Variants in ZBTB46 observed in about 807,000 individuals in gnomAD.
ZBTB46 encodes the protein zinc finger and BTB domain containing 46.
In ZBTB46, 8 loss-of-function variants were observed where a neutral mutation model predicts 44.1. The observed-to-expected ratio is 0.18, with a 90% CI of 0.11 to 0.33. The LOEUF (loss-of-function observed/expected upper bound fraction) is 0.33, where lower values mean the gene tolerates loss of function less well. ZBTB46 is among the 10% of genes least tolerant of loss of function. ZBTB46 has a pLI of 1.00. For missense variants in ZBTB46, 651 were observed against 847.7 expected (o/e 0.77, Z 2.88); for synonymous variants, 409 against 382.3 (o/e 1.07, Z -0.81).
At chr20:63,795,225 A>G (rs1348217349) in intron 1 of ZBTB46, among the ~76,000 whole-genome samples, 1 of 152,206 alleles carries the variant, frequency 6.6e-6, no homozygotes, top group South Asian at 2.1e-4. Flanking sequence ...CGCTTATGAA[A>G]CGGGCATCAG....
intron 1 of ZBTB46, chr20:63,816,327 C>T (rs1431602754): frequency 5.1e-6 from 1 of 195,566 alleles, no homozygotes; most frequent in Non-Finnish European, 1.1e-5. Flanking sequence ...ACTCCCTCCC[C>T]ACCCACCCCG....
At chr20:63,832,455 C>T (rs1222836946), upstream of ZBTB46, among the ~76,000 whole-genome samples, 1 of 152,160 alleles carries the variant, frequency 6.6e-6, no homozygotes, top group African/African-American at 2.4e-5. This position sits in a 1 kb window ranked among gnomAD's most constrained non-coding sequence, Gnocchi z 5.0. Flanking sequence ...GCGGATTCCT[C>T]GGGAGGTGGG....
Position 63,790,524 on chromosome 20 carries a change from G to C in ZBTB46, c.234C>G (p.Val78=), listed in dbSNP as rs2092552713. ...EQATVTHLDI[V]TAQGFKAIID... ...TGATGGCCTTGAAGCCCTGGGCCGT[G>C]ACGATGTCCAGGTGCGTGACCGTGG... Residue 78 remains valine (V), a synonymous_variant, in exon 2 of 5, where the codon GTC becomes GTG. Coordinates refer to ENST00000245663, the MANE Select transcript of ZBTB46 (RefSeq NM_001369741.1). 6.2e-7 allele frequency: 1 copy of C among 1,612,664 alleles called. No homozygotes were observed. Among genetic ancestry groups the C allele is most frequent in the African/African-American group, 1.3e-5 (1 of 74,918 alleles).
chr20:63,778,808 C>T (rs2092445626), intron 2 of ZBTB46, among the ~76,000 whole-genome samples: 2 of 152,228 alleles, frequency 1.3e-5, no homozygotes, highest in South Asian at 4.1e-4. Flanking sequence ...ACTAAATATA[C>T]AGGTTATATC....
intron 3 of ZBTB46, among the ~76,000 whole-genome samples, chr20:63,772,926 GGGGCTCGCTTCC>G (rs762604260): frequency 5.9e-5 from 9 of 152,282 alleles, no homozygotes; most frequent in Admixed American, 3.3e-4. Flanking sequence ...CACGTGCTCC[GGGGCTCGCTTCC>G]GGAAAGGAGG....
chr20:63,830,345 G>T (rs909728791), intron 1 of ZBTB46, among the ~76,000 whole-genome samples: 1 of 151,992 alleles, frequency 6.6e-6, no homozygotes, highest in African/African-American at 2.4e-5. Context: ...TATTTACAGA[G>T]AAACAAAGAC....
chr20:63,766,417 T>C (rs2092320871), intron 3 of ZBTB46, among the ~76,000 whole-genome samples: 1 of 151,756 alleles, frequency 6.6e-6, no homozygotes, highest in Non-Finnish European at 1.5e-5. Context: ...GATTTCGCCA[T>C]GTTGGCCAGG....
chr20:63,797,024 T>C (rs1331852639), intron 1 of ZBTB46, among the ~76,000 whole-genome samples: 3 of 152,140 alleles, frequency 2.0e-5, no homozygotes, highest in Non-Finnish European at 4.4e-5. Context: ...TTTTTATATA[T>C]ACTTTAAGTT....
chr20:63,753,728 C>T (rs1319574660), intron 3 of ZBTB46, among the ~76,000 whole-genome samples: 1 of 152,272 alleles, frequency 6.6e-6, no homozygotes, highest in Non-Finnish European at 1.5e-5. Flanking sequence ...CCTCTGCATA[C>T]TGTGACCACC....
rs536518455 is a variant in ZBTB46, at chr20:63,746,967, G to A, written c.1733C>T (p.Pro578Leu). 2.5e-6 allele frequency: 4 copies of A among 1,596,342 alleles called. No individual in the cohort carries two copies. The African/African-American group carries it at 4.0e-5, about 16-fold the overall frequency. The change falls in exon 5 of 5, where the codon CCA becomes CTA. Residue 578 changes from proline (P) to leucine (L), a missense_variant. Physicochemically the swap from Pro to Leu is moderately conservative, Grantham distance 98. Around this residue, in one of 5 missense-constraint regions of ZBTB46, gnomAD observed 106 missense variants for 81.0 expected, o/e 1.31. Transcript: ENST00000245663. ...GGCGAAGTCCTTGTCAGGGCCTCCT[G>A]GGGGGCTGCGCGGCCGCGGCGAGTC... Reference protein sequence around the residue: ...EEDSPRPRSPPGGPDKDFAWL... With the variant: ...EEDSPRPRSPLGGPDKDFAWL...
intron 4 of ZBTB46, among the ~76,000 whole-genome samples, chr20:63,749,474 C>G (rs1057300852): frequency 1.3e-5 from 2 of 152,162 alleles, no homozygotes; most frequent in African/African-American, 4.8e-5. Context: ...GTAGCTGGGA[C>G]TACAGGCACC....
At chr20:63,805,749 CT>C (rs67091593) in intron 1 of ZBTB46, among the ~76,000 whole-genome samples, 26,097 of 144,656 alleles carry the variant, frequency 0.18, 2,622 homozygotes, top group East Asian at 0.38. Context: ...CATGCATCAG[CT>C]TTTTTTTTTT....
chr20:63,771,411 C>CGCGGTCCCGCCGGGCCTG (rs2092371011), intron 3 of ZBTB46, among the ~76,000 whole-genome samples: 4 of 152,162 alleles, frequency 2.6e-5, no homozygotes, highest in Non-Finnish European at 4.4e-5. Context: ...AGGGGGGCCA[C>CGCGGTCCCGCCGGGCCTG]GCGGTCCCGC....
intron 2 of ZBTB46, chr20:63,788,239 A>G (rs1297119459): frequency 6.6e-6 from 1 of 152,252 alleles, no homozygotes; most frequent in Non-Finnish European, 1.5e-5. Context: ...CAGCCTCCCA[A>G]GTAGCTGAAG....
intron 3 of ZBTB46, among the ~76,000 whole-genome samples, chr20:63,758,646 G>A (rs1294111924): frequency 1.3e-5 from 2 of 151,916 alleles, no homozygotes; most frequent in Non-Finnish European, 2.9e-5. Flanking sequence ...ACTCACACAC[G>A]CACGCGCACG....
chr20:63,747,347 GGC>G lies in ZBTB46; in HGVS notation c.1399-48_1399-47del, dbSNP rs774790939. ...GTGAGCAGGGCCTGGTGGGTTGGGG[GGC>G]GGGGCAGGGGGTGAGCAGGGCCTGG... On this transcript the variant is annotated intron_variant, in intron 4 of 4. Coordinates refer to ENST00000245663, the MANE Select transcript of ZBTB46 (RefSeq NM_001369741.1). 1.3e-3 allele frequency: 1,729 copies of G among 1,338,542 alleles called. 67 individuals carry two copies. The African/African-American group carries it at 0.024, about 18-fold the overall frequency. 82.9% of individuals were successfully genotyped at this position (1,338,542 alleles called of 1,614,324 possible).
intron 1 of ZBTB46, among the ~76,000 whole-genome samples, chr20:63,823,859 TG>T (rs1430850898): frequency 3.1e-5 from 1 of 32,686 alleles, no homozygotes; most frequent in Non-Finnish European, 6.2e-5. Flanking sequence ...CTAGGAACCT[TG>T]TGTGTGTGTG....
intron 1 of ZBTB46, among the ~76,000 whole-genome samples, chr20:63,805,144 C>T (rs1206481578): frequency 6.6e-6 from 1 of 151,984 alleles, no homozygotes; most frequent in East Asian, 2.0e-4. Context: ...TGGTCTCGAT[C>T]TCTTGACCTC....
intron 1 of ZBTB46, among the ~76,000 whole-genome samples, chr20:63,800,234 G>A (rs1425413366): frequency 6.6e-6 from 1 of 152,214 alleles, no homozygotes; most frequent in Non-Finnish European, 1.5e-5. Flanking sequence ...CGCTGAGTAA[G>A]AGAAGACAGT....
Sources: allele counts gnomAD v4.1 joint callset (sites outside exome capture counted in the v4.1 genomes callset), GRCh38; gene constraint gnomAD v4.1.1; regional missense constraint gnomAD v4.1.1; non-coding constraint Gnocchi (gnomAD v3.1); transcripts MANE v1.5; gene names NCBI Gene and HGNC (gene_info 2026-07-23, HGNC 2026-07-21).